Variants in HP observed in about 807,000 individuals in gnomAD.
The protein encoded by HP is haptoglobin alpha(1S)-beta.
Under a neutral mutation model 23.2 loss-of-function variants are expected in HP, and 9 were observed. The observed-to-expected ratio is 0.39, with a 90% CI of 0.23 to 0.68. The LOEUF is 0.68. Among genes scored for constraint, HP ranks in the 30% least tolerant of loss-of-function variants. HP has a pLI of 0.47. For missense variants in HP, 433 were observed against 483.6 expected, an observed-to-expected ratio of 0.90 and a Z score of 0.98; for synonymous variants, 155 against 183.3, an observed-to-expected ratio of 0.85 and a Z score of 1.25.
In HP at chr16:72,059,954, C is replaced by T. The variant is rs549407732; in HGVS notation, c.443-158C>T. On this transcript the variant is annotated intron_variant, in intron 6 of 6. Transcript: ENST00000355906. ...TTTAAAAAACAGAATTATTTTAAAA[C>T]TGCAACTATTGGAAATGAGATCAGC... 5.6e-6 allele frequency: 8 copies of T among 1,423,338 alleles called. No homozygotes were observed. The Admixed American group carries it at 8.0e-5, about 14-fold the overall frequency. 88.2% of individuals were successfully genotyped at this position (1,423,338 alleles called of 1,614,324 possible).
rs199564947 is a variant in HP, at chr16:72,056,163, C to A, written c.8C>A (p.Ala3Asp). 3,191 of 1,613,704 alleles carry A rather than the reference C, an allele frequency of 2.0e-3. 87 individuals are homozygous for A. The South Asian group carries it at 0.032, about 16-fold the overall frequency. Residue 3 changes from alanine (A) to aspartate (D), a missense_variant and splice_region_variant, in exon 2 of 7, where the codon GCC (alanine) becomes GAC (aspartate). By Grantham distance (126) the Ala-to-Asp change is moderately radical (BLOSUM62 -2). This residue lies in a region of HP where 71 missense variants were observed against 54.2 expected (regional missense o/e 1.31). Coordinates refer to ENST00000355906, the MANE Select transcript of HP (RefSeq NM_005143.5). MS[A>D]LGAVIALLLW... Reference sequence around the variant, plus strand: ...TCCTCCTTGTCTTCTCTCTGCAGTGCCCTGGGAGCTGTCATTGCCCTCCTG... The same window carrying A: ...TCCTCCTTGTCTTCTCTCTGCAGTGACCTGGGAGCTGTCATTGCCCTCCTG...
At chr16:72,056,060 T>G (rs1179750986) in intron 1 of HP, 101 bp from the exon 2 acceptor site, 2 of 469,266 alleles carry the variant, frequency 4.3e-6, no homozygotes, top group East Asian at 1.0e-4. Context: ...TGTGTATGCA[T>G]GTGTGTGTGT....
At chr16:72,058,788 G>A in intron 5 of HP, 1 of 369,110 alleles carries the variant, frequency 2.7e-6, no homozygotes, top group South Asian at 2.4e-5. Context: ...TAAGGAAACT[G>A]AGGCACAGAC....
intron 1 of HP, chr16:72,055,860 C>T: frequency 2.4e-6 from 1 of 416,744 alleles, no homozygotes; most frequent in South Asian, 2.0e-5. Context: ...CTGAGCCCAC[C>T]CCTCCACCTA....
rs1454400740 is a variant in HP, at chr16:72,054,634, A to T, written c.-19A>T. On this transcript the variant is annotated 5_prime_UTR_variant, in exon 1 of 7. Transcript: ENST00000355906. ...AGATGCCCCACAGCACTGCTCTTCC[A>T]GAGGCAAGACCAACCAAGATGAGGT... 6.2e-7 allele frequency: 1 copy of T among 1,611,020 alleles called. No homozygotes were observed. Among genetic ancestry groups the T allele is most frequent in the Non-Finnish European group, 8.5e-7 (1 of 1,178,392 alleles).
At chr16:72,060,014 T>A (rs554045386) in intron 6 of HP, 98 bp from the exon 7 acceptor site, 2 of 1,569,180 alleles carry the variant, frequency 1.3e-6, no homozygotes, top group African/African-American at 2.7e-5. Flanking sequence ...ATCTTTCTAC[T>A]TTACGCAGCA....
At position 72,057,172 on chromosome 16, in the gene HP, G is replaced by C. The variant is rs397777668; in HGVS notation, c.191-220G>C. The C allele has an allele frequency of 1.8e-4, 113 of 618,992 alleles. 9 individuals carry two copies. The highest frequency in any genetic ancestry group is 8.7e-4 in the African/African-American group (45 of 51,872). The allele number at this position is 618,992 out of a possible 1,614,324, so 38.3% of individuals were successfully genotyped here. On this transcript the variant is annotated intron_variant, in intron 3 of 6. Transcript: ENST00000355906. The stretch of plus-strand genomic sequence containing the variant: ...TGTACTGCTTGGCTGTGACCGCCAT[G>C]ACCACAGTGTGTTCTGCTGGGCTTA...
At chr16:72,060,076 C>G (rs374628695) in intron 6 of HP, 36 bp from the exon 7 acceptor site, 3 of 1,604,322 alleles carry the variant, frequency 1.9e-6, no homozygotes, top group Non-Finnish European at 2.6e-6. Flanking sequence ...GGCTCTTGCA[C>G]ATTTCCACTC....
chr16:72,060,625 C>T lies in HP; in HGVS notation c.956C>T (p.Pro319Leu), dbSNP rs1413162420. 1 of 1,614,178 alleles carries T rather than the reference C, an allele frequency of 6.2e-7. No individual in the cohort carries two copies. The highest frequency in any genetic ancestry group is 1.7e-5 in the Admixed American group (1 of 60,030). Residue 319 changes from proline to leucine, a missense_variant, in exon 7 of 7, where the codon CCC becomes CTC. By Grantham distance (98) the Pro-to-Leu change is moderately conservative. Around this residue, in one of 3 missense-constraint regions of HP, gnomAD observed 326 missense variants for 358.1 expected, o/e 0.91. Coordinates refer to ENST00000355906, the MANE Select transcript of HP (RefSeq NM_005143.5). ...AGGCATTATGAAGGCAGCACAGTCC[C>T]CGAAAAGAAGACACCGAAGAGCCCT... ...CIRHYEGSTVPEKKTPKSPVG... is the reference protein window; with the variant it reads ...CIRHYEGSTVLEKKTPKSPVG...
chr16:72,054,762 G>A (rs2041432331), intron 1 of HP, 105 bp downstream of exon 1: 1 of 1,586,324 alleles, frequency 6.3e-7, no homozygotes. Flanking sequence ...ACGGGCAAAT[G>A]GGCTAAATTA....
rs898744666 is a variant in HP, at chr16:72,059,485, G to C, written c.442+297G>C. The stretch of plus-strand genomic sequence containing the variant: ...TAGAGAGCCCTGGGTCTAAGGAGAA[G>C]CAAGCTCCAGGGAGAACAAGTCAAG... On this transcript the variant is annotated intron_variant, in intron 6 of 6. Transcript: ENST00000355906. 3 of 462,342 alleles carry C rather than the reference G, an allele frequency of 6.5e-6. No homozygotes were observed. The Admixed American group carries it at 1.1e-4, about 16-fold the overall frequency. 28.6% of individuals were successfully genotyped at this position (462,342 alleles called of 1,614,324 possible). A position where few individuals can be genotyped will look rare whatever the true frequency, so the allele number is the denominator to read the frequency against.
Position 72,060,526 on chromosome 16 carries a change from G to T in HP, c.857G>T (p.Arg286Leu), listed in dbSNP as rs201130844. The T allele has an allele frequency of 3.1e-6, 5 of 1,614,100 alleles. No homozygotes were observed. In the Admixed American group the frequency reaches 5.0e-5, roughly 16 times the overall value. Residue 286 changes from arginine to leucine, a missense_variant, in exon 7 of 7, where the codon CGA (arginine) becomes CTA (leucine). Transcript: ENST00000355906. ...GTGGGTTATGTTTCTGGCTGGGGGCGAAATGCCAATTTTAAATTTACTGAC... is the reference window on the plus strand; with the variant it reads ...GTGGGTTATGTTTCTGGCTGGGGGCTAAATGCCAATTTTAAATTTACTGAC... Reference protein sequence around the residue: ...GRVGYVSGWGRNANFKFTDHL... With the variant: ...GRVGYVSGWGLNANFKFTDHL...
In HP at chr16:72,056,420, C is replaced by T. The variant is rs1005896456; in HGVS notation, c.89-110C>T. ...GCTTGCCTTTCCATTGGCTTCTATT[C>T]GGGGTGGAAGGAGATTGATGTGCAG... On this transcript the variant is annotated intron_variant, in intron 2 of 6. Transcript: ENST00000355906. 1.5e-5 allele frequency: 23 copies of T among 1,572,152 alleles called. No homozygotes were observed. The Admixed American group carries it at 2.1e-4, about 14-fold the overall frequency.
intron 1 of HP, chr16:72,055,102 A>C: frequency 5.2e-6 from 1 of 192,344 alleles, no homozygotes; most frequent in Non-Finnish European, 1.1e-5. Context: ...AGATCTTATA[A>C]AAATAAACAC....
Position 72,060,297 on chromosome 16 carries a change from G to A in HP, c.628G>A (p.Glu210Lys), listed in dbSNP as rs773148324. Residue 210 changes from glutamate (E) to lysine (K), a missense_variant, in exon 7 of 7, where the codon GAA (glutamate) becomes AAA (lysine). By Grantham distance (56) the Glu-to-Lys change is moderately conservative. Transcript: ENST00000355906. ...TAKNLFLNHSENATAKDIAPT... is the reference protein window; with the variant it reads ...TAKNLFLNHSKNATAKDIAPT... ...TAAAAATCTCTTCCTGAACCATTCA[G>A]AAAATGCAACAGCGAAAGACATTGC... 4.3e-6 allele frequency: 7 copies of A among 1,614,106 alleles called. No homozygotes were observed. Among genetic ancestry groups the A allele is most frequent in the Admixed American group, 1.7e-5 (1 of 60,014 alleles).
rs1351072064 is a variant in HP, at chr16:72,060,705, T to A, written c.1036T>A (p.Tyr346Asn). The A allele has an allele frequency of 1.9e-6, 3 of 1,614,154 alleles. No homozygotes were observed. Among genetic ancestry groups the A allele is most frequent in the Non-Finnish European group, 2.5e-6 (3 of 1,180,028 alleles). ...CACCTTCTGTGCTGGCATGTCTAAG[T>A]ACCAAGAAGACACCTGCTATGGCGA... The part of the protein sequence containing the change: ...EHTFCAGMSK[Y>N]QEDTCYGDAG... Residue 346 changes from tyrosine (Y) to asparagine (N), a missense_variant, in exon 7 of 7, where the codon TAC becomes AAC. By Grantham distance (143) the Tyr-to-Asn change is moderately radical (BLOSUM62 -2). Transcript: ENST00000355906.
intron 6 of HP, chr16:72,059,561 G>A (rs1181594343): frequency 3.7e-6 from 1 of 273,646 alleles, no homozygotes; most frequent in South Asian, 5.2e-5. Flanking sequence ...GCTGGACATG[G>A]GCTGGAACTC....
intron 1 of HP, chr16:72,055,145 C>CT (rs576218458): frequency 0.012 from 2,018 of 163,200 alleles, 4 homozygotes; most frequent in South Asian, 0.032. Context: ...AGACTAGAAA[C>CT]TTTTTTTTTT....
At chr16:72,059,768 C>T in intron 6 of HP, 1 of 432,964 alleles carries the variant, frequency 2.3e-6, no homozygotes, top group Non-Finnish European at 4.2e-6. Flanking sequence ...ATTATTGTAG[C>T]CCCTAGCCCT....
Sources: gnomAD v4.1 joint callset for allele counts on GRCh38, gnomAD v4.1.1 for gene constraint, gnomAD v4.1.1 regional missense constraint, MANE v1.5 for transcripts, NCBI Gene and HGNC (gene_info 2026-07-23, HGNC 2026-07-21) for gene names.